CDH12: variants seen among roughly 807,000 people sequenced by gnomAD.
The protein encoded by CDH12 is cadherin-12.
CDH12 carries 41 observed loss-of-function variants against 74.1 expected under a neutral mutation model. The observed-to-expected ratio is 0.55, with a 90% CI of 0.43 to 0.72. CDH12 has a LOEUF of 0.72. Ranked by LOEUF, CDH12 falls within the 30% of genes least tolerant of loss-of-function variation. The pLI is 0.00. For missense variants in CDH12, 945 were observed against 977.2 expected (o/e 0.97, Z 0.44); for synonymous variants, 399 against 355.0 (o/e 1.12, Z -1.39).
At chr5:22,356,371 A>T (rs1740563335) in intron 3 of CDH12, among the ~76,000 whole-genome samples, 1 of 152,148 alleles carries the variant, frequency 6.6e-6, no homozygotes, top group African/African-American at 2.4e-5. Flanking sequence ...AAAGCCAACC[A>T]TGTTGTCATT....
intron 1 of CDH12, among the ~76,000 whole-genome samples, chr5:22,695,682 T>A (rs921023155): frequency 6.6e-6 from 1 of 152,110 alleles, no homozygotes; most frequent in Admixed American, 6.6e-5. Flanking sequence ...AACATAGCAA[T>A]TTTTTTATTG....
chr5:22,645,603 A>G (rs1359023799), intron 1 of CDH12, among the ~76,000 whole-genome samples: 1 of 152,080 alleles, frequency 6.6e-6, no homozygotes, highest in African/African-American at 2.4e-5. Flanking sequence ...GTTTGAGAAG[A>G]TTGATTTCAA....
intron 6 of CDH12, among the ~76,000 whole-genome samples, chr5:21,914,549 T>C (rs2150066418): frequency 6.6e-6 from 1 of 152,244 alleles, no homozygotes; most frequent in South Asian, 2.1e-4. Flanking sequence ...TTTTATTGAA[T>C]TGGCTCATGT....
At chr5:22,039,239 T>C (rs1236252311) in intron 5 of CDH12, among the ~76,000 whole-genome samples, 1 of 151,944 alleles carries the variant, frequency 6.6e-6, no homozygotes, top group Non-Finnish European at 1.5e-5. Context: ...CATATGCTGC[T>C]CCCTGGGCAC....
intron 4 of CDH12, among the ~76,000 whole-genome samples, chr5:22,168,998 A>C (rs934111668): frequency 4.0e-5 from 6 of 149,610 alleles, no homozygotes; most frequent in African/African-American, 1.5e-4. Flanking sequence ...CACTAGATGC[A>C]TTTATCTTTT....
At chr5:22,222,791 A>G (rs1002238412) in intron 3 of CDH12, among the ~76,000 whole-genome samples, 1 of 151,886 alleles carries the variant, frequency 6.6e-6, no homozygotes, top group Non-Finnish European at 1.5e-5. Flanking sequence ...ACTAGCTTTA[A>G]TTAAGAAAAA....
At position 21,752,082 on chromosome 5, in the gene CDH12, G is replaced by A. The variant is rs1469895453; in HGVS notation, c.2040C>T (p.Asn680=). Residue 680 remains asparagine, a synonymous_variant, in exon 15 of 15, where the codon AAC becomes AAT. Coordinates refer to ENST00000382254, the MANE Select transcript of CDH12 (RefSeq NM_004061.5). ...TTTTGTTCTCCTCAATCACTTTTGG[G>A]TTTCTCAGAGCCCCGATGTCGAAAG... ...TQAFDIGALR[N]PKVIEENKIR... is the part of the protein sequence containing the mutation. The A allele has an allele frequency of 1.9e-6, 3 of 1,614,048 alleles. No homozygotes were observed. The highest frequency in any genetic ancestry group is 1.7e-6 in the Non-Finnish European group (2 of 1,179,994).
At chr5:22,401,798 G>C (rs145278903) in intron 3 of CDH12, among the ~76,000 whole-genome samples, 2,129 of 152,250 alleles carry the variant, frequency 0.014, 26 homozygotes, top group Middle Eastern at 0.027. Flanking sequence ...TCCAATAAGA[G>C]TATCTTTGTA....
chr5:22,695,620 T>C (rs983474937), intron 1 of CDH12, among the ~76,000 whole-genome samples: 83 of 152,362 alleles, frequency 5.4e-4, no homozygotes, highest in African/African-American at 1.9e-3. Context: ...ATCTTTATTA[T>C]TCTAAATTTT....
intron 1 of CDH12, among the ~76,000 whole-genome samples, chr5:22,688,916 A>G (rs1195387365): frequency 3.9e-5 from 6 of 152,160 alleles, no homozygotes; most frequent in African/African-American, 1.4e-4. Context: ...CAAAATGGCC[A>G]ATTAATGTTT....
At chr5:22,813,840 G>A (rs1007279126) in intron 1 of CDH12, among the ~76,000 whole-genome samples, 1 of 152,140 alleles carries the variant, frequency 6.6e-6, no homozygotes, top group African/African-American at 2.4e-5. Flanking sequence ...AGATGAAAAT[G>A]AAGCTCTCAC....
At chr5:21,818,566 A>C (rs1291372281) in intron 8 of CDH12, among the ~76,000 whole-genome samples, 2 of 151,918 alleles carry the variant, frequency 1.3e-5, no homozygotes, top group South Asian at 2.1e-4. Flanking sequence ...ATTTATCTTG[A>C]ATATGCAGAT....
intron 3 of CDH12, among the ~76,000 whole-genome samples, chr5:22,252,841 C>T (rs1753181297): frequency 6.6e-6 from 1 of 151,694 alleles, no homozygotes; most frequent in Admixed American, 6.6e-5. Context: ...TTTTTTCTCA[C>T]CTCCCTGGCT....
At chr5:22,664,985 T>G (rs1740539484) in intron 1 of CDH12, among the ~76,000 whole-genome samples, 2 of 152,214 alleles carry the variant, frequency 1.3e-5, no homozygotes, top group Non-Finnish European at 2.9e-5. Flanking sequence ...TCTCACTATA[T>G]TGCCCAGGAG....
intron 3 of CDH12, among the ~76,000 whole-genome samples, chr5:22,304,115 T>A (rs575817630): frequency 6.6e-6 from 1 of 152,270 alleles, no homozygotes; most frequent in East Asian, 1.9e-4. Flanking sequence ...GTTGATAAGC[T>A]AATTTTTAAA....
intron 3 of CDH12, among the ~76,000 whole-genome samples, chr5:22,345,176 C>T (rs184286036): frequency 1.3e-5 from 2 of 152,080 alleles, no homozygotes; most frequent in Non-Finnish European, 2.9e-5. Context: ...TTTATTAATG[C>T]GACTCAAATC....
At chr5:22,707,513 G>T (rs1350395225) in intron 1 of CDH12, among the ~76,000 whole-genome samples, 4 of 152,030 alleles carry the variant, frequency 2.6e-5, no homozygotes, top group Non-Finnish European at 4.4e-5. Flanking sequence ...ATTTGTCTTT[G>T]AACTATCATC....
intron 5 of CDH12, among the ~76,000 whole-genome samples, chr5:21,988,925 A>G (rs1004532830): frequency 1.3e-5 from 2 of 152,144 alleles, no homozygotes; most frequent in African/African-American, 4.8e-5. Context: ...GAGATAAGAG[A>G]CAGATTCTCT....
intron 1 of CDH12, among the ~76,000 whole-genome samples, chr5:22,711,450 C>T (rs78374861): frequency 0.011 from 1,747 of 152,066 alleles, 17 homozygotes; most frequent in Non-Finnish European, 0.015. Flanking sequence ...CACAAAATAC[C>T]CAGGCATAAC....
Sources: gnomAD v4.1 joint callset for allele counts (sites outside exome capture counted in the v4.1 genomes callset) on GRCh38, gnomAD v4.1.1 for gene constraint, MANE v1.5 for transcripts, NCBI Gene and HGNC (gene_info 2026-07-23, HGNC 2026-07-21) for gene names.